The following WDR70 variants were observed in gnomAD, a reference collection of about 807,000 sequenced individuals.
The protein encoded by WDR70 is WD repeat-containing protein 70.
A neutral mutation model predicts 88.6 loss-of-function variants in WDR70; 53 were observed. The observed-to-expected ratio is 0.60, with a 90% CI of 0.48 to 0.75. WDR70 has a LOEUF of 0.75. Among genes scored for constraint, WDR70 ranks in the 30% least tolerant of loss-of-function variants. The probability of loss-of-function intolerance (pLI) is 0.00; values close to 1 mark genes in which losing one functional copy is unlikely to be tolerated. For synonymous variants in WDR70, 280 were observed against 270.0 expected, an observed-to-expected ratio of 1.04 and a Z score of -0.36; for missense variants, 610 against 823.2, an observed-to-expected ratio of 0.74 and a Z score of 3.17.
chr5:37,596,382 T>A (rs1743700559), intron 9 of WDR70, among the ~76,000 whole-genome samples: 1 of 152,160 alleles, frequency 6.6e-6, no homozygotes, highest in South Asian at 2.1e-4. Flanking sequence ...TCCTTTCTTC[T>A]CAAATTCTGT....
intron 7 of WDR70, among the ~76,000 whole-genome samples, chr5:37,467,556 A>G (rs1411157809): frequency 3.1e-5 from 3 of 96,550 alleles, no homozygotes; most frequent in Admixed American, 2.4e-4. Context: ...TTTTTTTTTG[A>G]GACAGAGTCT....
chr5:37,509,105 C>T (rs1166563873), intron 8 of WDR70, among the ~76,000 whole-genome samples: 1 of 151,736 alleles, frequency 6.6e-6, no homozygotes, highest in Non-Finnish European at 1.5e-5. Context: ...TTTGTGTCTT[C>T]TCTCTCTTTC....
At chr5:37,382,940 G>A (rs1241283295) in intron 3 of WDR70, among the ~76,000 whole-genome samples, 2 of 151,964 alleles carry the variant, frequency 1.3e-5, no homozygotes, top group Admixed American at 1.3e-4. Flanking sequence ...TTGAACCTGG[G>A]AGGCAGAGGT....
At chr5:37,501,991 G>A (rs1421521476) in intron 8 of WDR70, among the ~76,000 whole-genome samples, 2 of 152,096 alleles carry the variant, frequency 1.3e-5, no homozygotes, top group African/African-American at 4.8e-5. Flanking sequence ...TATTTTGATA[G>A]GAATTGCCTT....
At chr5:37,606,532 C>T (rs1364844341) in intron 10 of WDR70, among the ~76,000 whole-genome samples, 1 of 152,068 alleles carries the variant, frequency 6.6e-6, no homozygotes, top group Non-Finnish European at 1.5e-5. Context: ...TCTTAAAACC[C>T]ATACTTTTTA....
At chr5:37,555,712 TTTTGTTTTG>T (rs1310114088) in intron 9 of WDR70, among the ~76,000 whole-genome samples, 1 of 56,976 alleles carries the variant, frequency 1.8e-5, no homozygotes, top group Admixed American at 2.3e-4. Flanking sequence ...GTTCAGTTTT[TTTTGTTTTG>T]TTTTGTTTTG....
At chr5:37,711,993 T>C (rs1363260257) in intron 13 of WDR70, among the ~76,000 whole-genome samples, 18 of 146,610 alleles carry the variant, frequency 1.2e-4, no homozygotes, top group South Asian at 2.2e-4. Context: ...TTTTCTTTTT[T>C]TTTTTTTTTT....
chr5:37,389,241 C>T (rs1486129587), intron 3 of WDR70, among the ~76,000 whole-genome samples: 2 of 150,144 alleles, frequency 1.3e-5, no homozygotes, highest in Non-Finnish European at 2.9e-5. Flanking sequence ...TACAGGTGCA[C>T]ACCGCCACGC....
At chr5:37,438,754 AT>A (rs1327752472) in intron 6 of WDR70, among the ~76,000 whole-genome samples, 2 of 152,154 alleles carry the variant, frequency 1.3e-5, no homozygotes, top group East Asian at 3.9e-4. Context: ...TTTTGAAAAT[AT>A]TGTTTTCATA....
At chr5:37,541,775 A>G (rs1741823236) in intron 9 of WDR70, among the ~76,000 whole-genome samples, 2 of 152,210 alleles carry the variant, frequency 1.3e-5, no homozygotes, top group African/African-American at 2.4e-5. Flanking sequence ...CAAGTACTGA[A>G]TAATTCTTTG....
chr5:37,710,882 A>G (rs1458635088), intron 13 of WDR70, among the ~76,000 whole-genome samples: 1 of 151,744 alleles, frequency 6.6e-6, no homozygotes, highest in East Asian at 1.9e-4. Context: ...GATACTTTGA[A>G]TTATGGACTT....
At chr5:37,613,782 T>C (rs1744253751) in intron 10 of WDR70, among the ~76,000 whole-genome samples, 1 of 114,258 alleles carries the variant, frequency 8.8e-6, no homozygotes, top group African/African-American at 2.6e-5. Flanking sequence ...AACTCTATGA[T>C]ATAAATGCTG....
chr5:37,542,255 G>A (rs933903940), intron 9 of WDR70, among the ~76,000 whole-genome samples: 1 of 151,038 alleles, frequency 6.6e-6, no homozygotes, highest in Non-Finnish European at 1.5e-5. Flanking sequence ...AAATCTAGTC[G>A]CTTTAGTTTT....
At chr5:37,397,005 T>TA (rs1413067405) in intron 5 of WDR70, among the ~76,000 whole-genome samples, 1 of 151,950 alleles carries the variant, frequency 6.6e-6, no homozygotes, top group African/African-American at 2.4e-5. Flanking sequence ...AGACGGGTGT[T>TA]ATGGTGCGCA....
intron 9 of WDR70, among the ~76,000 whole-genome samples, chr5:37,524,129 A>G (rs984476360): frequency 5.3e-5 from 8 of 152,208 alleles, no homozygotes; most frequent in Admixed American, 1.3e-4. Flanking sequence ...ACTACAGAGA[A>G]CACCACAAAG....
chr5:37,411,118 T>TCTAAAAAAGTGTG (rs1749507784), intron 5 of WDR70, among the ~76,000 whole-genome samples: 1 of 152,236 alleles, frequency 6.6e-6, no homozygotes, highest in Non-Finnish European at 1.5e-5. Flanking sequence ...AAGGTGTAAC[T>TCTAAAAAAGTGTG]ATTTGTTTTT....
intron 17 of WDR70, 35 bp downstream of exon 17, chr5:37,727,080 T>G: frequency 6.3e-7 from 1 of 1,589,316 alleles, no homozygotes; most frequent in Non-Finnish European, 8.5e-7. Context: ...GGAAAATTGT[T>G]ATGTTTAATG....
At chr5:37,523,318 T>A (rs1741154901) in intron 9 of WDR70, among the ~76,000 whole-genome samples, 1 of 152,224 alleles carries the variant, frequency 6.6e-6, no homozygotes, top group African/African-American at 2.4e-5. Context: ...CATTTGCTGT[T>A]CAGCAATATT....
At chr5:37,545,223 A>G (rs1368562646) in intron 9 of WDR70, among the ~76,000 whole-genome samples, 1 of 152,142 alleles carries the variant, frequency 6.6e-6, no homozygotes, top group Non-Finnish European at 1.5e-5. Context: ...TTCTGTAGAA[A>G]TACCTCAGTC....
Sources: gnomAD v4.1 joint callset for allele counts (sites outside exome capture counted in the v4.1 genomes callset) on GRCh38, gnomAD v4.1.1 for gene constraint, MANE v1.5 for transcripts, NCBI Gene and HGNC (gene_info 2026-07-23, HGNC 2026-07-21) for gene names.